AQP9: variants seen among roughly 807,000 people sequenced by gnomAD.
The protein encoded by AQP9 is aquaporin 9.
AQP9 carries 19 observed loss-of-function variants against 23.8 expected under a neutral mutation model. The ratio of observed to expected loss-of-function variants is 0.80; its 90% CI spans 0.56 to 1.17. The LOEUF (loss-of-function observed/expected upper bound fraction) is 1.17, where lower values mean the gene tolerates loss of function less well. Ranked by LOEUF, AQP9 falls within the 50% of genes most tolerant of loss-of-function variation. The probability of loss-of-function intolerance (pLI) is 0.00; values close to 1 mark genes in which losing one functional copy is unlikely to be tolerated. For missense variants in AQP9, 413 were observed against 362.0 expected (o/e 1.14, Z -1.14); for synonymous variants, 153 against 131.5 (o/e 1.16, Z -1.12).
chr15:58,165,801 A>G (rs1898488262), intron 1 of AQP9, among the ~76,000 whole-genome samples: 1 of 152,170 alleles, frequency 6.6e-6, no homozygotes, highest in South Asian at 2.1e-4. Flanking sequence ...TGGAAGACTC[A>G]CTATCATACT....
chr15:58,175,814 A>G (rs1031965890), intron 4 of AQP9, among the ~76,000 whole-genome samples: 17 of 152,198 alleles, frequency 1.1e-4, no homozygotes, highest in African/African-American at 4.1e-4. Flanking sequence ...CATTCAATGT[A>G]TGGATGAAAA....
chr15:58,180,373 A>G (rs957365321), intron 5 of AQP9, among the ~76,000 whole-genome samples: 1 of 152,164 alleles, frequency 6.6e-6, no homozygotes, highest in African/African-American at 2.4e-5. Flanking sequence ...CCAGGGTGAA[A>G]AATAAGTTAA....
chr15:58,173,300 C>A, intron 3 of AQP9, 95 bp downstream of exon 3: 1 of 1,535,812 alleles, frequency 6.5e-7, no homozygotes, highest in Non-Finnish European at 8.9e-7. Context: ...AAAGCAAGGA[C>A]GGGAAGCATT....
chr15:58,148,023 A>T (rs1898080478), intron 1 of AQP9, among the ~76,000 whole-genome samples: 1 of 152,114 alleles, frequency 6.6e-6, no homozygotes, highest in Non-Finnish European at 1.5e-5. Flanking sequence ...AAGGAAACAC[A>T]TTTCTTATAT....
intron 1 of AQP9, among the ~76,000 whole-genome samples, chr15:58,160,823 A>G (rs1898363289): frequency 6.6e-6 from 1 of 152,154 alleles, no homozygotes; most frequent in Admixed American, 6.6e-5. Flanking sequence ...TCAGCTCATC[A>G]TTAAGAATAG....
chr15:58,138,508 G>A lies in AQP9; in HGVS notation c.-58G>A. 1.4e-6 allele frequency: 2 copies of A among 1,395,444 alleles called. No homozygotes were observed. Among genetic ancestry groups the A allele is most frequent in the Non-Finnish European group, 2.0e-6 (2 of 999,246 alleles). The allele number at this position is 1,395,444 out of a possible 1,614,324, so 86.4% of individuals were successfully genotyped here. A position where few individuals can be genotyped will look rare whatever the true frequency, so the allele number is the denominator to read the frequency against. On this transcript the variant is annotated 5_prime_UTR_variant, in exon 1 of 6. The change creates a new upstream start codon in the 5' untranslated region. Transcript: ENST00000219919. ...CGTCCATTTTCATCTGGCTGTGAAA[G>A]TGAGGACCACAACAGGTAGGTATTG...
chr15:58,146,136 A>G (rs1898039679), intron 1 of AQP9, among the ~76,000 whole-genome samples: 2 of 152,138 alleles, frequency 1.3e-5, no homozygotes, highest in African/African-American at 2.4e-5. Flanking sequence ...TCTTCAATTT[A>G]AAGGGTTATA....
At chr15:58,158,150 T>C (rs1168436210) in intron 1 of AQP9, among the ~76,000 whole-genome samples, 2 of 152,156 alleles carry the variant, frequency 1.3e-5, no homozygotes, top group Non-Finnish European at 1.5e-5. Context: ...AGTCCTCACC[T>C]TCCCAGACAG....
intron 1 of AQP9, chr15:58,154,461 T>A (rs969090526): frequency 2.0e-5 from 3 of 152,110 alleles, no homozygotes; most frequent in Admixed American, 2.0e-4. Context: ...AACCAGCAAC[T>A]GCCACCAATA....
chr15:58,184,122 G>T lies in AQP9; in HGVS notation c.875G>T (p.Ser292Ile), dbSNP rs1898958044. The T allele has an allele frequency of 1.9e-6, 3 of 1,613,912 alleles. No individual in the cohort carries two copies. The South Asian group carries it at 3.3e-5, about 18-fold the overall frequency. The change falls in exon 6 of 6, where the codon AGT (serine) becomes ATT (isoleucine). Residue 292 changes from serine to isoleucine, a missense_variant. By Grantham distance (142) the Ser-to-Ile change is moderately radical. Coordinates refer to ENST00000219919, the MANE Select transcript of AQP9 (RefSeq NM_020980.5). ...SEDKPEKYEL[S>I]VIM ...GACAAACCAGAGAAATATGAACTCA[G>T]TGTCATCATGTAGTGGCATGCTCAG...
chr15:58,181,420 A>G (rs1206255948), intron 5 of AQP9, among the ~76,000 whole-genome samples: 2 of 152,156 alleles, frequency 1.3e-5, no homozygotes, highest in African/African-American at 4.8e-5. Flanking sequence ...TGACTAATTA[A>G]CTCCAGGAGT....
At chr15:58,143,303 G>A (rs1422245836) in intron 1 of AQP9, among the ~76,000 whole-genome samples, 6 of 152,274 alleles carry the variant, frequency 3.9e-5, no homozygotes, top group Non-Finnish European at 7.4e-5. Context: ...TTAAAGACTC[G>A]AGGCTGTCTT....
Position 58,184,837 on chromosome 15 carries a change from A to G in AQP9, c.*702A>G, listed in dbSNP as rs1334960573. ...CTCTTGCTCTCCTGCATTTTAGAGG[A>G]CACCAATTAATTTCCTGGTCTTTAG... On this transcript the variant is annotated 3_prime_UTR_variant, in exon 6 of 6. Coordinates refer to ENST00000219919, the MANE Select transcript of AQP9 (RefSeq NM_020980.5). 1 of 152,210 alleles carries G rather than the reference A, an allele frequency of 6.6e-6. No homozygotes were observed. Among genetic ancestry groups the G allele is most frequent in the African/African-American group, 2.4e-5 (1 of 41,446 alleles). 9.4% of individuals were successfully genotyped at this position (152,210 alleles called of 1,614,324 possible).
intron 2 of AQP9, 66 bp from the exon 3 acceptor site, chr15:58,173,002 C>T: frequency 6.3e-7 from 1 of 1,596,866 alleles, no homozygotes. Flanking sequence ...CCTGAGGTCT[C>T]TAGATGGTTT....
At chr15:58,175,549 A>G (rs1898733226) in intron 4 of AQP9, among the ~76,000 whole-genome samples, 1 of 152,240 alleles carries the variant, frequency 6.6e-6, no homozygotes, top group East Asian at 1.9e-4. Flanking sequence ...GCACCCAAGC[A>G]TACTGTGGTG....
chr15:58,164,717 G>A (rs1024776314), intron 1 of AQP9, among the ~76,000 whole-genome samples: 4 of 151,946 alleles, frequency 2.6e-5, no homozygotes, highest in African/African-American at 9.7e-5. Context: ...CTTAGAACTG[G>A]GGACTAGAAG....
chr15:58,184,173 TTC>T lies in AQP9; in HGVS notation c.*42_*43del. 6.3e-7 allele frequency: 1 copy of T among 1,597,218 alleles called. No individual in the cohort carries two copies. The highest frequency in any genetic ancestry group is 8.6e-7 in the Non-Finnish European group (1 of 1,168,416). On this transcript the variant is annotated 3_prime_UTR_variant, in exon 6 of 6. Coordinates refer to ENST00000219919, the MANE Select transcript of AQP9 (RefSeq NM_020980.5). ...CTCTGGATTTGCAGTCAGTTTGGGA[TTC>T]TCTTCAGAAAGATGGCATCTAAGTG...
Position 58,184,791 on chromosome 15 carries a change from G to T in AQP9, c.*656G>T, listed in dbSNP as rs1335381710. The stretch of plus-strand genomic sequence containing the variant: ...GAGAAGCCAAATGGAATTTTTAATG[G>T]AAACCATTTATCAGATTAATCTCTT... On this transcript the variant is annotated 3_prime_UTR_variant, in exon 6 of 6. Coordinates refer to ENST00000219919, the MANE Select transcript of AQP9 (RefSeq NM_020980.5). The T allele has an allele frequency of 6.6e-6, 1 of 152,160 alleles. No individual in the cohort carries two copies. The highest frequency in any genetic ancestry group is 1.9e-4 in the East Asian group (1 of 5,194). The allele number at this position is 152,160 out of a possible 1,614,324, so 9.4% of individuals were successfully genotyped here. A position where few individuals can be genotyped will look rare whatever the true frequency, so the allele number is the denominator to read the frequency against.
intron 1 of AQP9, 149 bp from the exon 2 acceptor site, chr15:58,166,524 G>A: frequency 1.9e-6 from 2 of 1,068,764 alleles, no homozygotes; most frequent in Non-Finnish European, 2.6e-6. Context: ...TGCTATCTGT[G>A]TATAGCTGAA....
Sources: gnomAD v4.1 joint callset for allele counts (sites outside exome capture counted in the v4.1 genomes callset) on GRCh38, gnomAD v4.1.1 for gene constraint, MANE v1.5 for transcripts, NCBI Gene and HGNC (gene_info 2026-07-23, HGNC 2026-07-21) for gene names.